Variants in FAM135B observed in about 807,000 individuals in gnomAD.
The protein encoded by FAM135B is family with sequence similarity 135 member B, also known as protein FAM135B.
Under a neutral mutation model 127.7 loss-of-function variants are expected in FAM135B, and 43 were observed. The ratio of observed to expected loss-of-function variants is 0.34; its 90% confidence interval spans 0.26 to 0.43. The LOEUF is 0.43. Among genes scored for constraint, FAM135B ranks in the 20% least tolerant of loss-of-function variants. The pLI is 1.00. For missense variants in FAM135B, 1,558 were observed against 1,725.6 expected (o/e 0.90, Z 1.72); for synonymous variants, 670 against 665.1 (o/e 1.01, Z -0.11).
At chr8:138,278,990 C>T (rs1824056697) in intron 3 of FAM135B, among the ~76,000 whole-genome samples, 1 of 152,054 alleles carries the variant, frequency 6.6e-6, no homozygotes, top group African/African-American at 2.4e-5. Flanking sequence ...TCCACCATGC[C>T]AAATCTAAGC....
At position 138,394,283 on chromosome 8, in the gene FAM135B, GATA is replaced by G. The variant is rs1832744950; in HGVS notation, c.-19-26284_-19-26282del. 2.0e-5 allele frequency among the ~76,000 whole-genome samples: 3 copies of G among 152,314 alleles called. No homozygotes were observed. The South Asian group carries it at 6.2e-4, about 32-fold the overall frequency. Reference sequence around the variant, plus strand: ...GCCACCAGCTCCTGAGCTGAGGCTGGATAATAATGGGCCAGTATTTATCAAGTT... The same window carrying G: ...GCCACCAGCTCCTGAGCTGAGGCTGGATAATGGGCCAGTATTTATCAAGTT... On this transcript the variant is annotated intron_variant, in intron 1 of 19. Transcript: ENST00000395297.
intron 1 of FAM135B, chr8:138,425,515 T>TG (rs1834791395): frequency 7.0e-6 from 1 of 142,728 alleles, no homozygotes. Flanking sequence ...AAAGCACCTC[T>TG]GGCTCTTGAA....
intron 9 of FAM135B, among the ~76,000 whole-genome samples, chr8:138,185,643 G>T (rs979057036): frequency 2.0e-5 from 3 of 152,140 alleles, no homozygotes; most frequent in Non-Finnish European, 2.9e-5. Flanking sequence ...CTGCTAGGAG[G>T]GTATAGCTCT....
chr8:138,159,000 T>C (rs13280445), intron 12 of FAM135B, among the ~76,000 whole-genome samples: 104,990 of 151,110 alleles, frequency 0.69, 36,538 homozygotes, highest in East Asian at 0.79. Context: ...CGGCCGGGCG[T>C]GGTGGCTCAC....
chr8:138,467,165 T>C (rs1587522883), intron 1 of FAM135B, among the ~76,000 whole-genome samples: 1 of 152,192 alleles, frequency 6.6e-6, no homozygotes, highest in East Asian at 1.9e-4. Flanking sequence ...TGTGAAGAAA[T>C]TGGAGAACAT....
chr8:138,213,157 G>T (rs1322761576), intron 7 of FAM135B, among the ~76,000 whole-genome samples: 1 of 152,096 alleles, frequency 6.6e-6, no homozygotes, highest in African/African-American at 2.4e-5. Context: ...GAGAGTTCCT[G>T]CCTTCATGTG....
At chr8:138,267,468 G>T (rs1389384365) in intron 3 of FAM135B, among the ~76,000 whole-genome samples, 1 of 151,080 alleles carries the variant, frequency 6.6e-6, no homozygotes, top group Non-Finnish European at 1.5e-5. Context: ...GAGAGAAAAT[G>T]AAGTCTCCAG....
At chr8:138,304,028 G>T (rs1826065410) in intron 3 of FAM135B, among the ~76,000 whole-genome samples, 2 of 152,210 alleles carry the variant, frequency 1.3e-5, no homozygotes, top group African/African-American at 4.8e-5. Context: ...ACGATGTATT[G>T]TTAAATAACT....
At chr8:138,206,245 C>T (rs1232608476) in intron 7 of FAM135B, among the ~76,000 whole-genome samples, 12 of 151,520 alleles carry the variant, frequency 7.9e-5, no homozygotes, top group Non-Finnish European at 1.2e-4. Context: ...CTCTCTCATC[C>T]CCTCCACCTA....
rs141085276 is a variant in FAM135B at position 138,239,229 on chromosome 8, CTGACTTTTTAA to C, written c.669+3702_669+3712del. Among the ~76,000 whole-genome samples the C allele has an allele frequency of 4.9e-3, 742 of 152,242 alleles. 6 individuals are homozygous for C. Among genetic ancestry groups the C allele is most frequent in the African/African-American group, 0.017 (709 of 41,536 alleles). ...CATCCTCTCCAGCACCTGTTGTTTC[CTGACTTTTTAA>C]TGAGTGCAATTCTAACTGGTGTGAG... On this transcript the variant is annotated intron_variant, in intron 7 of 19. Coordinates refer to ENST00000395297, the MANE Select transcript of FAM135B (RefSeq NM_015912.4).
chr8:138,283,866 C>G (rs1330075382), intron 3 of FAM135B, among the ~76,000 whole-genome samples: 1 of 151,820 alleles, frequency 6.6e-6, no homozygotes, highest in Admixed American at 6.6e-5. Context: ...TGAGTTGAAG[C>G]TTCTGGGTCC....
intron 1 of FAM135B, among the ~76,000 whole-genome samples, chr8:138,372,097 GA>G (rs1284638774): frequency 4.6e-5 from 7 of 152,242 alleles, no homozygotes; most frequent in Non-Finnish European, 8.8e-5. Context: ...GCTTCTGAAT[GA>G]GGAGGCCTTT....
At chr8:138,469,332 T>C (rs905756890) in intron 1 of FAM135B, among the ~76,000 whole-genome samples, 4 of 152,032 alleles carry the variant, frequency 2.6e-5, no homozygotes, top group Non-Finnish European at 4.4e-5. Context: ...ACTAGCATGA[T>C]TGATTAGACC....
chr8:138,465,120 G>A (rs1303173327), intron 1 of FAM135B, among the ~76,000 whole-genome samples: 8 of 152,166 alleles, frequency 5.3e-5, no homozygotes. Flanking sequence ...CACAAACCAA[G>A]CCGGGCTCTT....
At chr8:138,255,926 G>T (rs949696735) in intron 5 of FAM135B, among the ~76,000 whole-genome samples, 3 of 152,160 alleles carry the variant, frequency 2.0e-5, no homozygotes, top group South Asian at 2.1e-4. Flanking sequence ...AAGAAAGGGG[G>T]GATATGAAGC....
chr8:138,170,679 G>T (rs1820353624), intron 11 of FAM135B, among the ~76,000 whole-genome samples: 1 of 152,156 alleles, frequency 6.6e-6, no homozygotes, highest in South Asian at 2.1e-4. Context: ...CTTAAACACT[G>T]CATGGATTAT....
intron 2 of FAM135B, among the ~76,000 whole-genome samples, chr8:138,316,294 C>G (rs1273212826): frequency 6.6e-6 from 1 of 151,930 alleles, no homozygotes; most frequent in Non-Finnish European, 1.5e-5. Flanking sequence ...ATCACGAGGT[C>G]AGGAGATCGA....
At chr8:138,201,537 C>A (rs11985214) in intron 7 of FAM135B, among the ~76,000 whole-genome samples, 2,723 of 152,170 alleles carry the variant, frequency 0.018, 89 homozygotes, top group African/African-American at 0.058. Context: ...TGAAGCTGTG[C>A]GATATACTGC....
chr8:138,483,344 C>T (rs987580946), intron 1 of FAM135B, among the ~76,000 whole-genome samples: 10 of 152,144 alleles, frequency 6.6e-5, no homozygotes, highest in Non-Finnish European at 1.2e-4. Context: ...AGGAGAGGAG[C>T]GAGGCTTTGA....
Sources: gnomAD v4.1 joint callset for allele counts (sites outside exome capture counted in the v4.1 genomes callset) on GRCh38, gnomAD v4.1.1 for gene constraint, MANE v1.5 for transcripts, NCBI Gene and HGNC (gene_info 2026-07-23, HGNC 2026-07-21) for gene names.